The following BCAS3 variants were observed in gnomAD, a reference collection of about 807,000 sequenced individuals.
BCAS3 encodes the protein BCAS4/BCAS3 fusion.
BCAS3 carries 53 observed loss-of-function variants against 116.1 expected under a neutral mutation model. That is an observed-to-expected ratio of 0.46 (90% CI 0.37 to 0.57). BCAS3 has a LOEUF of 0.57. Ranked by LOEUF, BCAS3 falls within the 20% of genes least tolerant of loss-of-function variation. The pLI is 0.00. For synonymous variants in BCAS3, 391 were observed against 408.2 expected, an observed-to-expected ratio of 0.96 and a Z score of 0.51; for missense variants, 917 against 1,165.4, an observed-to-expected ratio of 0.79 and a Z score of 3.10.
chr17:60,954,833 C>T (rs2061038914), intron 14 of BCAS3, among the ~76,000 whole-genome samples: 1 of 152,120 alleles, frequency 6.6e-6, no homozygotes, highest in Admixed American at 6.5e-5. Context: ...AAAATACATA[C>T]AATGCATACT....
chr17:60,901,157 G>A (rs2057866754), intron 10 of BCAS3, among the ~76,000 whole-genome samples: 1 of 151,860 alleles, frequency 6.6e-6, no homozygotes, highest in South Asian at 2.1e-4. Context: ...GTTTCAGTGA[G>A]CTGAAATCAT....
chr17:60,720,841 A>G (rs926826237), intron 5 of BCAS3, among the ~76,000 whole-genome samples: 1 of 152,232 alleles, frequency 6.6e-6, no homozygotes, highest in Admixed American at 6.5e-5. Context: ...AACCAACCCC[A>G]TGTGAATACA....
chr17:60,986,683 G>A (rs1387010675), intron 14 of BCAS3, among the ~76,000 whole-genome samples: 1 of 152,070 alleles, frequency 6.6e-6, no homozygotes, highest in Admixed American at 6.6e-5. Context: ...TTTTAAAATA[G>A]GATTGTTAGA....
chr17:60,845,179 A>G (rs2052398533), intron 7 of BCAS3, among the ~76,000 whole-genome samples: 1 of 152,252 alleles, frequency 6.6e-6, no homozygotes, highest in African/African-American at 2.4e-5. Flanking sequence ...CAGTGAGCCA[A>G]GATTGCGCCA....
At chr17:61,025,898 G>GA (rs1052110281) in intron 16 of BCAS3, among the ~76,000 whole-genome samples, 7 of 151,994 alleles carry the variant, frequency 4.6e-5, no homozygotes, top group African/African-American at 7.2e-5. Context: ...AGTTTACTGG[G>GA]AAAAAAATTA....
chr17:61,312,941 C>T (rs2054435928), intron 22 of BCAS3, among the ~76,000 whole-genome samples: 1 of 152,246 alleles, frequency 6.6e-6, no homozygotes, highest in Non-Finnish European at 1.5e-5. Context: ...TGAGCATCCA[C>T]CTCACTCAGT....
chr17:61,348,885 T>C lies in BCAS3; in HGVS notation c.2426-19442T>C, dbSNP rs889867181. Among the ~76,000 whole-genome samples, 1 of 151,832 alleles carries C rather than the reference T, an allele frequency of 6.6e-6. No homozygotes were observed. Among genetic ancestry groups the C allele is most frequent in the African/African-American group, 2.4e-5 (1 of 41,342 alleles). On this transcript the variant is annotated intron_variant, in intron 22 of 23. Coordinates refer to ENST00000407086, the MANE Select transcript of BCAS3 (RefSeq NM_017679.5). The surrounding 1 kb of genome is among the most constrained non-coding windows in gnomAD (Gnocchi z 4.5). ...CTCCTGCCTCAGCTTCCCGAGTAGC[T>C]GGGACTACAGGCGCCCACCGCCACA...
intron 16 of BCAS3, among the ~76,000 whole-genome samples, chr17:61,016,706 T>C (rs2065479544): frequency 6.6e-6 from 1 of 152,234 alleles, no homozygotes; most frequent in African/African-American, 2.4e-5. Flanking sequence ...AACAACTTTT[T>C]TACATTTCTG....
chr17:60,945,935 A>G (rs1270558542), intron 13 of BCAS3, among the ~76,000 whole-genome samples: 2 of 151,756 alleles, frequency 1.3e-5, no homozygotes, highest in South Asian at 4.2e-4. Flanking sequence ...CCTGGCTAAC[A>G]TGGTGAAACC....
intron 6 of BCAS3, among the ~76,000 whole-genome samples, chr17:60,799,558 G>T (rs7212916): frequency 0.25 from 31,615 of 126,790 alleles, 8,162 homozygotes; most frequent in African/African-American, 0.7. Flanking sequence ...AGACAGAGTC[G>T]TACTCTGTCA....
chr17:61,380,290 G>A lies in BCAS3; in HGVS notation c.2594-11687G>A. On this transcript the variant is annotated intron_variant, in intron 23 of 23. Transcript: ENST00000407086. This position sits in a 1 kb window ranked among gnomAD's most constrained non-coding sequence, Gnocchi z 4.2. ...GAACTCAGGCAGCTGGACTGGGGAG[G>A]AGGGAGAGAGGGAAGGATGATACCA... The A allele has an allele frequency of 1.0e-5, 6 of 578,628 alleles. No homozygotes were observed. The South Asian group carries it at 1.2e-4, about 11-fold the overall frequency. 35.8% of individuals were successfully genotyped at this position (578,628 alleles called of 1,614,324 possible).
At chr17:61,038,671 T>TTTGTTTTTG (rs2067250143) in intron 18 of BCAS3, among the ~76,000 whole-genome samples, 3 of 132,998 alleles carry the variant, frequency 2.3e-5, no homozygotes, top group African/African-American at 1.0e-4. Context: ...TGTTTTTGTT[T>TTTGTTTTTG]TTTTTTTTTT....
At chr17:60,698,592 C>T (rs1598127664) in intron 4 of BCAS3, among the ~76,000 whole-genome samples, 1 of 152,272 alleles carries the variant, frequency 6.6e-6, no homozygotes, top group South Asian at 2.1e-4. Context: ...ATTATGACCT[C>T]AGGGGTTTTA....
intron 22 of BCAS3, among the ~76,000 whole-genome samples, chr17:61,209,929 A>G (rs567804386): frequency 6.6e-6 from 1 of 152,230 alleles, no homozygotes; most frequent in African/African-American, 2.4e-5. Flanking sequence ...TTTCCTGTCC[A>G]TTTATGAAGA....
chr17:61,059,352 G>A (rs1290019143), intron 19 of BCAS3, among the ~76,000 whole-genome samples: 1 of 151,908 alleles, frequency 6.6e-6, no homozygotes, highest in Non-Finnish European at 1.5e-5. Context: ...AAAGTTCTGG[G>A]ATTACAGGCG....
intron 5 of BCAS3, among the ~76,000 whole-genome samples, chr17:60,746,041 T>C (rs2041988898): frequency 6.6e-6 from 1 of 152,130 alleles, no homozygotes; most frequent in Non-Finnish European, 1.5e-5. Context: ...TTAAACTGCT[T>C]GTATGGCAGG....
At chr17:61,147,935 G>C (rs1241500425) in intron 22 of BCAS3, among the ~76,000 whole-genome samples, 1 of 151,536 alleles carries the variant, frequency 6.6e-6, no homozygotes, top group African/African-American at 2.4e-5. Context: ...GCAGTGAGCC[G>C]AGATCATGCC....
At chr17:60,931,846 G>A (rs1399980490) in intron 13 of BCAS3, among the ~76,000 whole-genome samples, 1 of 152,174 alleles carries the variant, frequency 6.6e-6, no homozygotes. Flanking sequence ...GCCAAGGCAG[G>A]TGGATAGCTT....
intron 14 of BCAS3, among the ~76,000 whole-genome samples, chr17:60,988,698 G>A: frequency 6.6e-6 from 1 of 151,904 alleles, no homozygotes; most frequent in Non-Finnish European, 1.5e-5. Context: ...GCTCATAGTA[G>A]CCTCTAATGA....
Sources: gnomAD v4.1 joint callset for allele counts (sites outside exome capture counted in the v4.1 genomes callset) on GRCh38, gnomAD v4.1.1 for gene constraint, Gnocchi (gnomAD v3.1) non-coding constraint, MANE v1.5 for transcripts, NCBI Gene and HGNC (gene_info 2026-07-23, HGNC 2026-07-21) for gene names.